Variants in OS9 observed in about 807,000 individuals in gnomAD.
OS9 encodes protein OS-9.
A neutral mutation model predicts 84.7 loss-of-function variants in OS9; 58 were observed. That is an observed-to-expected ratio of 0.68 (90% CI 0.55 to 0.85). The LOEUF (loss-of-function observed/expected upper bound fraction) is 0.85, where lower values mean the gene tolerates loss of function less well. OS9 is among the 40% of genes least tolerant of loss of function. OS9 has a pLI of 0.00. For synonymous variants in OS9, 278 were observed against 320.8 expected (o/e 0.87, Z 1.43); for missense variants, 760 against 850.9 (o/e 0.89, Z 1.33).
chr12:57,709,993 T>G (rs1276987872), intron 5 of OS9, among the ~76,000 whole-genome samples: 2 of 152,066 alleles, frequency 1.3e-5, no homozygotes, highest in Admixed American at 1.3e-4. Context: ...GCTGGAATTA[T>G]AGGCGTGTGC....
At chr12:57,700,289 AGAG>A (rs1953982454) in intron 5 of OS9, among the ~76,000 whole-genome samples, 2 of 152,042 alleles carry the variant, frequency 1.3e-5, no homozygotes, top group South Asian at 2.1e-4. Flanking sequence ...ATGTTAGTGG[AGAG>A]GAGGAGAGGG....
chr12:57,697,930 C>CGGA lies in OS9; in HGVS notation c.579+1557_579+1558insGGA, dbSNP rs1565767197. On this transcript the variant is annotated intron_variant, in intron 5 of 14. Coordinates refer to ENST00000315970, the MANE Select transcript of OS9 (RefSeq NM_006812.4). The stretch of plus-strand genomic sequence containing the variant: ...GCAAACACACACACACACATACACA[C>CGGA]ACACACACACACACACACACACACA... 7.5e-5 allele frequency among the ~76,000 whole-genome samples: 7 copies of CGGA among 92,740 alleles called. 1 individual carries two copies. Among genetic ancestry groups the CGGA allele is most frequent in the African/African-American group, 2.7e-4 (7 of 26,146 alleles). The allele number at this position is 92,740 out of a possible 152,430, so 60.8% of individuals were successfully genotyped here.
In OS9 at chr12:57,720,782, A is replaced by G; in HGVS notation, c.1879-2A>G. The G allele has an allele frequency of 6.2e-7, 1 of 1,603,368 alleles. No individual in the cohort carries two copies. ...CAGCCCACCTCTACCCTCTCCCACC[A>G]GGTGCCGGGAGCTGAAGAGGCCCAG... On this transcript the variant is annotated splice_acceptor_variant, in intron 14 of 14. Coordinates refer to ENST00000315970, the MANE Select transcript of OS9 (RefSeq NM_006812.4). LOFTEE classifies it high-confidence loss of function.
intron 5 of OS9, among the ~76,000 whole-genome samples, chr12:57,705,999 CCTTT>C (rs1444307211): frequency 6.6e-6 from 1 of 152,144 alleles, no homozygotes; most frequent in Non-Finnish European, 1.5e-5. Context: ...TTGGTTTCTT[CCTTT>C]CTAAGTTGTA....
chr12:57,694,850 A>G lies in OS9; in HGVS notation c.263A>G (p.Glu88Gly). 5 of 1,614,088 alleles carry G rather than the reference A, an allele frequency of 3.1e-6. No individual in the cohort carries two copies. Among genetic ancestry groups the G allele is most frequent in the Non-Finnish European group, 4.2e-6 (5 of 1,180,000 alleles). Residue 88 changes from glutamate (E) to glycine (G), a missense_variant, in exon 2 of 15, where the codon GAG (glutamate) becomes GGG (glycine). By Grantham distance (98) the Glu-to-Gly change is moderately conservative (BLOSUM62 -2). Transcript: ENST00000315970. ...GAIHFQRERE[E>G]ETPAYQGPGI... ...ATTCACTTCCAGCGTGAAAGGGAGGAGGAAACACCTGCTTACCAAGGGCCT... is the reference window on the plus strand; with the variant it reads ...ATTCACTTCCAGCGTGAAAGGGAGGGGGAAACACCTGCTTACCAAGGGCCT...
chr12:57,694,748 A>G lies in OS9; in HGVS notation c.163-2A>G. 1.2e-6 allele frequency: 2 copies of G among 1,613,352 alleles called. No homozygotes were observed. Among genetic ancestry groups the G allele is most frequent in the Non-Finnish European group, 1.7e-6 (2 of 1,179,892 alleles). ...GCCCCCCGACCCTCCCTTCTTTCCC[A>G]GAGCCAATCTTCGGACGTGGTGATT... On this transcript the variant is annotated splice_acceptor_variant, in intron 1 of 14. Transcript: ENST00000315970. LOFTEE classifies it high-confidence loss of function.
Position 57,719,123 on chromosome 12 carries a change from A to C in OS9, c.1541A>C (p.Lys514Thr). ...GAAAAACAGAGTCCAGAGCTGGTGA[A>C]GAAGCACAAGAAAAAGAGGGTTGTC... is the stretch of plus-strand genomic sequence containing the variant. ...LEEKQSPELV[K>T]KHKKKRVVPK... The change falls in exon 12 of 15, where the codon AAG becomes ACG. Residue 514 changes from lysine (K) to threonine (T), a missense_variant. Physicochemically the swap from Lys to Thr is moderately conservative, Grantham distance 78 (BLOSUM62 -1). Transcript: ENST00000315970. 1 of 1,614,174 alleles carries C rather than the reference A, an allele frequency of 6.2e-7. No individual in the cohort carries two copies. Among genetic ancestry groups the C allele is most frequent in the Non-Finnish European group, 8.5e-7 (1 of 1,180,026 alleles).
At position 57,695,689 on chromosome 12, in the gene OS9, A is replaced by C. The variant is rs190226421; in HGVS notation, c.340-91A>C. ...AGAGAATTGAGTGTGTAAGTAGATG[A>C]GAGGTTATGTGTCTTGGAGCCAGGA... On this transcript the variant is annotated intron_variant, in intron 2 of 14. Transcript: ENST00000315970. 106 of 815,224 alleles carry C rather than the reference A, an allele frequency of 1.3e-4. No individual in the cohort carries two copies. The East Asian group carries it at 2.3e-3, about 18-fold the overall frequency. The allele number at this position is 815,224 out of a possible 1,614,324, so 50.5% of individuals were successfully genotyped here.
In OS9 at chr12:57,719,052, G is replaced by C; in HGVS notation, c.1470G>C (p.Met490Ile). The C allele has an allele frequency of 6.2e-7, 1 of 1,614,044 alleles. No individual in the cohort carries two copies. The highest frequency in any genetic ancestry group is 8.5e-7 in the Non-Finnish European group (1 of 1,179,950). ...AGGAGTCAGAGCGGGATCGGGCAAT[G>C]CTGGCTCTCACATCCACTCTCAACA... The part of the protein sequence containing the change: ...LKKESERDRA[M>I]LALTSTLNKL... The change falls in exon 12 of 15, where the codon ATG (methionine) becomes ATC (isoleucine). Residue 490 changes from methionine (M) to isoleucine (I), a missense_variant. Coordinates refer to ENST00000315970, the MANE Select transcript of OS9 (RefSeq NM_006812.4).
chr12:57,719,257 G>A (rs555064787), intron 12 of OS9, 75 bp downstream of exon 12: 44 of 1,323,238 alleles, frequency 3.3e-5, no homozygotes, highest in South Asian at 5.3e-5. Context: ...TCCCAGAGGG[G>A]ACCCTGTTCC....
Position 57,717,945 on chromosome 12 carries a change from G to C in OS9, c.1121G>C (p.Gly374Ala), listed in dbSNP as rs969097746. ...ATTCGATTCATAGAGGAGCTGAAAG[G>C]TGGAACAAAAAAGGTATAGGCCGTG... ...DLIRFIEELK[G>A]GTKKGKPNIG... Residue 374 changes from glycine to alanine, a missense_variant, in exon 10 of 15, where the codon GGT becomes GCT. Transcript: ENST00000315970. 1 of 1,612,314 alleles carries C rather than the reference G, an allele frequency of 6.2e-7. No individual in the cohort carries two copies. The highest frequency in any genetic ancestry group is 8.5e-7 in the Non-Finnish European group (1 of 1,179,372).
chr12:57,710,529 T>G (rs1378185974), intron 5 of OS9, among the ~76,000 whole-genome samples: 1 of 152,200 alleles, frequency 6.6e-6, no homozygotes, highest in Non-Finnish European at 1.5e-5. Context: ...TCTACTTTTC[T>G]GGGTTTATTT....
chr12:57,699,980 A>T (rs1953971569), intron 5 of OS9, among the ~76,000 whole-genome samples: 3 of 152,192 alleles, frequency 2.0e-5, no homozygotes, highest in African/African-American at 2.4e-5. Context: ...CTGTAATCCC[A>T]GCTACTCGGG....
chr12:57,697,925 ACACACAC>A (rs1953908151), intron 5 of OS9, among the ~76,000 whole-genome samples: 1 of 47,258 alleles, frequency 2.1e-5, no homozygotes, highest in African/African-American at 8.7e-5. Flanking sequence ...ACACACACAT[ACACACAC>A]ACACACACAC....
chr12:57,714,348 A>G (rs1345702670), intron 5 of OS9, among the ~76,000 whole-genome samples: 1 of 152,096 alleles, frequency 6.6e-6, no homozygotes, highest in African/African-American at 2.4e-5. Context: ...CTGGGATTAC[A>G]GGCATGTGCC....
chr12:57,694,624 G>A, intron 1 of OS9, 126 bp from the exon 2 acceptor site: 2 of 983,482 alleles, frequency 2.0e-6, no homozygotes, highest in South Asian at 1.4e-5. Flanking sequence ...AATACAGCTG[G>A]AGGGCTTATG....
chr12:57,698,313 T>G (rs1851618191), intron 5 of OS9, among the ~76,000 whole-genome samples: 1 of 152,232 alleles, frequency 6.6e-6, no homozygotes, highest in South Asian at 2.1e-4. Context: ...AGCACTTCAT[T>G]GTATTCTAGT....
Position 57,720,167 on chromosome 12 carries a change from C to G in OS9, c.1669C>G (p.Leu557Val), listed in dbSNP as rs747455933. The change falls in exon 13 of 15, where the codon CTG (leucine) becomes GTG (valine). Residue 557 changes from leucine (L) to valine (V), a missense_variant. Coordinates refer to ENST00000315970, the MANE Select transcript of OS9 (RefSeq NM_006812.4). ...KLRLGGPNQDLTVLEMKRENP... is the reference protein window; with the variant it reads ...KLRLGGPNQDVTVLEMKRENP... The stretch of plus-strand genomic sequence containing the variant: ...CCGTCTCGGAGGCCCTAATCAGGAT[C>G]TGACTGTCCTCGAGATGAAACGGGA... 19 of 1,614,110 alleles carry G rather than the reference C, an allele frequency of 1.2e-5. No individual in the cohort carries two copies. In the African/African-American group the frequency reaches 2.4e-4, roughly 20 times the overall value.
At chr12:57,715,638 A>G (rs1954462414) in intron 5 of OS9, 122 bp from the exon 6 acceptor site, 3 of 667,632 alleles carry the variant, frequency 4.5e-6, no homozygotes, top group South Asian at 2.1e-5. Flanking sequence ...GTAAAGTGCC[A>G]TATGCACAGT....
Sources: gnomAD v4.1 joint callset for allele counts (sites outside exome capture counted in the v4.1 genomes callset) on GRCh38, gnomAD v4.1.1 for gene constraint, MANE v1.5 for transcripts, NCBI Gene and HGNC (gene_info 2026-07-23, HGNC 2026-07-21) for gene names.